NRDE2: variants seen among roughly 807,000 people sequenced by gnomAD.
NRDE2 encodes nuclear exosome regulator NRDE2.
NRDE2 carries 76 observed loss-of-function variants against 124.2 expected under a neutral mutation model. The observed-to-expected ratio is 0.61, with a 90% CI of 0.51 to 0.74. The LOEUF (loss-of-function observed/expected upper bound fraction) is 0.74. NRDE2 is among the 30% of genes least tolerant of loss of function. NRDE2 has a pLI of 0.00. For missense variants in NRDE2, 1,314 were observed against 1,417.3 expected (o/e 0.93, Z 1.17); for synonymous variants, 489 against 528.1 (o/e 0.93, Z 1.01).
chr14:90,287,228 T>C (rs1310032524), intron 11 of NRDE2, among the ~76,000 whole-genome samples: 1 of 152,014 alleles, frequency 6.6e-6, no homozygotes, highest in Non-Finnish European at 1.5e-5. Flanking sequence ...AATTTTGGCT[T>C]ATAAGGTCAG....
chr14:90,284,016 A>C (rs1686461632), intron 12 of NRDE2, among the ~76,000 whole-genome samples: 1 of 151,858 alleles, frequency 6.6e-6, no homozygotes, highest in Admixed American at 6.6e-5. Flanking sequence ...CAGACTTGGT[A>C]ATTCATTTTT....
rs1884464165 is a variant in NRDE2, at chr14:90,303,078, C to T, written c.1053G>A (p.Glu351=). ...TCAGGGACCTCTTTCGCTTTTCCTG[C>T]TCTCCTTCCTCGATGGCATACAGGC... ...SPGLYAIEEG[E]QEKRKRSLKL... The change falls in exon 6 of 14, where the codon GAG becomes GAA. Residue 351 remains glutamate, a synonymous_variant. Transcript: ENST00000354366. 6.2e-7 allele frequency: 1 copy of T among 1,613,984 alleles called. No individual in the cohort carries two copies. Among genetic ancestry groups the T allele is most frequent in the Admixed American group, 1.7e-5 (1 of 60,026 alleles).
At chr14:90,322,441 A>G (rs10142912) in intron 1 of NRDE2, among the ~76,000 whole-genome samples, 5,217 of 152,162 alleles carry the variant, frequency 0.034, 265 homozygotes, top group African/African-American at 0.12. Context: ...CTCAATAAAT[A>G]CCTGTTGAAT....
At chr14:90,316,275 G>A (rs149647571) in intron 3 of NRDE2, among the ~76,000 whole-genome samples, 3 of 152,234 alleles carry the variant, frequency 2.0e-5, no homozygotes, top group African/African-American at 4.8e-5. Flanking sequence ...AGAGGGAACC[G>A]TTATCTATGT....
Position 90,288,326 on chromosome 14 carries a change from T to G in NRDE2, c.3049A>C (p.Thr1017Pro), listed in dbSNP as rs200990530. ...GTGATTGTGTCAAAAAATCTCCTGG[T>G]TTTGCTGGCACTGTGGGACTTATTC... The part of the protein sequence containing the change: ...IQNKSHSASK[T>P]RRFFDTITRS... The change falls in exon 11 of 14, where the codon ACC becomes CCC. Residue 1017 changes from threonine (T) to proline (P), a missense_variant. Coordinates refer to ENST00000354366, the MANE Select transcript of NRDE2 (RefSeq NM_017970.4). 49 of 1,614,028 alleles carry G rather than the reference T, an allele frequency of 3.0e-5. No homozygotes were observed. The highest frequency in any genetic ancestry group is 3.3e-5 in the Admixed American group (2 of 60,002).
At chr14:90,311,102 A>G (rs1884820500) in intron 4 of NRDE2, among the ~76,000 whole-genome samples, 1 of 152,226 alleles carries the variant, frequency 6.6e-6, no homozygotes, top group South Asian at 2.1e-4. Context: ...TTGGAGATAC[A>G]GCAAAGTAAT....
chr14:90,289,270 T>TAA (rs772265985), intron 10 of NRDE2, 125 bp from the exon 11 acceptor site: 1 of 752,342 alleles, frequency 1.3e-6, no homozygotes. Context: ...ACGGGTCTGG[T>TAA]AAACACTGAG....
chr14:90,293,848 A>G (rs1892339680), intron 8 of NRDE2, among the ~76,000 whole-genome samples: 1 of 152,264 alleles, frequency 6.6e-6, no homozygotes, highest in East Asian at 1.9e-4. Flanking sequence ...CAAGGTTAAA[A>G]AATAAAGTAT....
At chr14:90,278,900 G>C (rs1891875500) in intron 13 of NRDE2, 162 bp downstream of exon 13, 1 of 673,942 alleles carries the variant, frequency 1.5e-6, no homozygotes, top group Non-Finnish European at 2.7e-6. Flanking sequence ...ACAGGGGACA[G>C]TTTCACCAGG....
Position 90,269,340 on chromosome 14 carries a change from C to A in NRDE2, c.*8996G>T. 1 of 1,466,558 alleles carries A rather than the reference C, an allele frequency of 6.8e-7. No individual in the cohort carries two copies. Among genetic ancestry groups the A allele is most frequent in the Non-Finnish European group, 9.2e-7 (1 of 1,082,110 alleles). 90.8% of individuals were successfully genotyped at this position (1,466,558 alleles called of 1,614,324 possible). ...TCACAATGAGGTCTTTGCTGTAATTCCCCTTGAGCAGGCGATCAGTTGAGT... is the reference window on the plus strand; with the variant it reads ...TCACAATGAGGTCTTTGCTGTAATTACCCTTGAGCAGGCGATCAGTTGAGT... On this transcript the variant is annotated 3_prime_UTR_variant, in exon 14 of 14. Coordinates refer to ENST00000354366, the MANE Select transcript of NRDE2 (RefSeq NM_017970.4).
In NRDE2 at chr14:90,288,400, T is replaced by G. The variant is rs139914753; in HGVS notation, c.2975A>C (p.Lys992Thr). 6.2e-7 allele frequency: 1 copy of G among 1,614,166 alleles called. No homozygotes were observed. Among genetic ancestry groups the G allele is most frequent in the East Asian group, 2.2e-5 (1 of 44,870 alleles). ...AAGAACCTGGTTGCCTGGATACAAC[T>G]TTAAAGCCTGTGAGAGTGCCTCTCG... ...PLREALSQAL[K>T]LYPGNQVLWR... Residue 992 changes from lysine to threonine, a missense_variant, in exon 11 of 14, where the codon AAG becomes ACG. Physicochemically the swap from Lys to Thr is moderately conservative, Grantham distance 78. Transcript: ENST00000354366.
rs535067490 is a variant in NRDE2, at chr14:90,269,870, G to A, written c.*8466C>T. On this transcript the variant is annotated 3_prime_UTR_variant, in exon 14 of 14. Coordinates refer to ENST00000354366, the MANE Select transcript of NRDE2 (RefSeq NM_017970.4). ...TAGGATTTGTCCTTTTTACATTCAG[G>A]TAGCATCAGAAGAAACAGTGATTTG... The A allele has an allele frequency of 6.9e-5, 26 of 374,724 alleles. No homozygotes were observed. The highest frequency in any genetic ancestry group is 1.2e-4 in the Non-Finnish European group (25 of 209,894). 23.2% of individuals were successfully genotyped at this position (374,724 alleles called of 1,614,324 possible).
chr14:90,311,899 G>C (rs1884854498), intron 4 of NRDE2, among the ~76,000 whole-genome samples: 1 of 152,194 alleles, frequency 6.6e-6, no homozygotes, highest in South Asian at 2.1e-4. Flanking sequence ...GAGGGGAAAA[G>C]TTCAAACTCA....
Position 90,290,301 on chromosome 14 carries a change from A to C in NRDE2, c.2149T>G (p.Phe717Val). Residue 717 changes from phenylalanine to valine, a missense_variant, in exon 10 of 14, where the codon TTC becomes GTC. Physicochemically the swap from Phe to Val is conservative, Grantham distance 50. Transcript: ENST00000354366. Reference protein sequence around the residue: ...REGEEFIRNVFHLVMPLFSGK... With the variant: ...REGEEFIRNVVHLVMPLFSGK... ...GAAAATAAAGGCATGACAAGGTGGA[A>C]GACATTGCGGATGAACTCCTCGCCC... 6.2e-7 allele frequency: 1 copy of C among 1,614,130 alleles called. No individual in the cohort carries two copies. The highest frequency in any genetic ancestry group is 8.5e-7 in the Non-Finnish European group (1 of 1,180,022).
chr14:90,286,483 A>G lies in NRDE2; in HGVS notation c.3168T>C (p.Gly1056=). 1 of 1,611,484 alleles carries G rather than the reference A, an allele frequency of 6.2e-7. No individual in the cohort carries two copies. The highest frequency in any genetic ancestry group is 8.5e-7 in the Non-Finnish European group (1 of 1,179,386). ...CAGGAATTGTGGCGTGGATCTCTCT[A>G]CCGTCTAACCTGCAAGGCAAAGGCT... The part of the protein sequence containing the change: ...RLVETVQRLD[G]REIHATIPET... The change falls in exon 12 of 14, where the codon GGT becomes GGC. Residue 1056 remains glycine (G), a synonymous_variant. Coordinates refer to ENST00000354366, the MANE Select transcript of NRDE2 (RefSeq NM_017970.4).
At position 90,312,508 on chromosome 14, in the gene NRDE2, C is replaced by T. The variant is rs761383323; in HGVS notation, c.443G>A (p.Arg148His). Residue 148 changes from arginine (R) to histidine (H), a missense_variant, in exon 4 of 14, where the codon CGC (arginine) becomes CAC (histidine). Arg to His is a conservative substitution (Grantham distance 29). Transcript: ENST00000354366. ...GNNAAADTGH[R>H]FVWLEDIQAV... ...CTGAATGTCCTCAAGCCAAACAAAGCGATGTCCAGTATCAGCTGCAGCATT... is the reference window on the plus strand; with the variant it reads ...CTGAATGTCCTCAAGCCAAACAAAGTGATGTCCAGTATCAGCTGCAGCATT... 16 of 1,613,926 alleles carry T rather than the reference C, an allele frequency of 9.9e-6. No individual in the cohort carries two copies. The highest frequency in any genetic ancestry group is 6.6e-5 in the South Asian group (6 of 91,080).
intron 4 of NRDE2, among the ~76,000 whole-genome samples, chr14:90,308,464 A>T (rs756359999): frequency 1.3e-5 from 2 of 152,052 alleles, no homozygotes; most frequent in Non-Finnish European, 2.9e-5. Flanking sequence ...CACACAAAAC[A>T]TTGCCAATCC....
chr14:90,308,640 A>G (rs1407423335), intron 4 of NRDE2, among the ~76,000 whole-genome samples: 1 of 152,206 alleles, frequency 6.6e-6, no homozygotes, highest in African/African-American at 2.4e-5. Flanking sequence ...CTTCATTTCA[A>G]TGTTCTCGGC....
At chr14:90,316,249 G>A (rs181148824) in intron 3 of NRDE2, among the ~76,000 whole-genome samples, 1 of 152,230 alleles carries the variant, frequency 6.6e-6, no homozygotes, top group East Asian at 1.9e-4. Flanking sequence ...AGAGTGTGGA[G>A]ACCCACGGCC....
Sources: gnomAD v4.1 joint callset for allele counts (sites outside exome capture counted in the v4.1 genomes callset) on GRCh38, gnomAD v4.1.1 for gene constraint, MANE v1.5 for transcripts, NCBI Gene and HGNC (gene_info 2026-07-23, HGNC 2026-07-21) for gene names.